Variants in PTPRC observed in about 807,000 individuals in gnomAD.
The protein encoded by PTPRC is receptor-type tyrosine-protein phosphatase C.
PTPRC carries 44 observed loss-of-function variants against 155.9 expected under a neutral mutation model. The observed-to-expected ratio is 0.28, with a 90% CI of 0.22 to 0.36. The LOEUF is 0.36. Ranked by LOEUF, PTPRC falls within the 10% of genes least tolerant of loss-of-function variation. The pLI is 1.00. For synonymous variants in PTPRC, 525 were observed against 533.1 expected (o/e 0.98, Z 0.21); for missense variants, 1,401 against 1,564.6 (o/e 0.90, Z 1.76).
At chr1:198,694,276 T>A in intron 3 of PTPRC, 1 of 726,508 alleles carries the variant, frequency 1.4e-6, no homozygotes, top group Non-Finnish European at 1.7e-6. Context: ...CTGCTTTTTC[T>A]AGCCGTGCTG....
chr1:198,735,885 G>T (rs1362053697), intron 23 of PTPRC, among the ~76,000 whole-genome samples: 1 of 151,476 alleles, frequency 6.6e-6, no homozygotes, highest in Non-Finnish European at 1.5e-5. Flanking sequence ...ATAAGAACAG[G>T]CTTTCATTTT....
At chr1:198,642,644 C>G (rs1011422544) in intron 2 of PTPRC, among the ~76,000 whole-genome samples, 2 of 151,938 alleles carry the variant, frequency 1.3e-5, no homozygotes, top group Non-Finnish European at 2.9e-5. Flanking sequence ...TTTGACACCT[C>G]CATTGCCATC....
intron 2 of PTPRC, among the ~76,000 whole-genome samples, chr1:198,658,523 G>T (rs3754096): frequency 6.6e-6 from 1 of 151,992 alleles, no homozygotes; most frequent in East Asian, 1.9e-4. Flanking sequence ...TGATTTATCA[G>T]TCTCTCCTAT....
At chr1:198,702,355 A>G (rs771794332) in intron 5 of PTPRC, 32 bp from the exon 6 acceptor site, 3 of 1,614,192 alleles carry the variant, frequency 1.9e-6, no homozygotes, top group Non-Finnish European at 2.5e-6. Flanking sequence ...GACAGACACA[A>G]GTGACAGTGC....
chr1:198,660,478 A>ATGTGTTTG (rs1553231797), intron 2 of PTPRC: 3 of 148,880 alleles, frequency 2.0e-5, no homozygotes, highest in Admixed American at 1.3e-4. Context: ...ACCCAAATAT[A>ATGTGTTTG]TGTGTGTGTG....
chr1:198,745,295 G>A (rs1655089342), intron 26 of PTPRC, among the ~76,000 whole-genome samples: 1 of 151,838 alleles, frequency 6.6e-6, no homozygotes, highest in South Asian at 2.1e-4. Context: ...ATGAGAGGAT[G>A]TGATCCAGAT....
At chr1:198,694,945 T>G in intron 3 of PTPRC, 11 of 981,170 alleles carry the variant, frequency 1.1e-5, no homozygotes, top group Non-Finnish European at 1.3e-5. Context: ...AAAAGTTTGA[T>G]GGATTTATTT....
intron 2 of PTPRC, among the ~76,000 whole-genome samples, chr1:198,658,772 C>A (rs908425886): frequency 2.0e-5 from 3 of 151,900 alleles, no homozygotes; most frequent in Non-Finnish European, 4.4e-5. Context: ...AAAATTATGA[C>A]AATTTGTGTC....
intron 30 of PTPRC, 101 bp from the exon 31 acceptor site, chr1:198,752,493 A>C (rs1571896350): frequency 1.3e-6 from 2 of 1,514,690 alleles, no homozygotes; most frequent in East Asian, 2.4e-5. Flanking sequence ...AACATTTTAA[A>C]ATTATTTAAA....
At chr1:198,657,285 T>A (rs1291047762) in intron 2 of PTPRC, among the ~76,000 whole-genome samples, 2 of 152,056 alleles carry the variant, frequency 1.3e-5, no homozygotes, top group Non-Finnish European at 2.9e-5. Context: ...ACTTTTTCTG[T>A]TATTGAATAT....
At chr1:198,732,738 G>C (rs1380272713) in intron 20 of PTPRC, among the ~76,000 whole-genome samples, 182 bp downstream of exon 20, 1 of 151,730 alleles carries the variant, frequency 6.6e-6, no homozygotes, top group Admixed American at 6.6e-5. Context: ...TTGGTATTAG[G>C]TATAACATAG....
intron 2 of PTPRC, among the ~76,000 whole-genome samples, chr1:198,680,663 A>G (rs989786860): frequency 2.0e-5 from 3 of 152,040 alleles, no homozygotes; most frequent in Non-Finnish European, 4.4e-5. Flanking sequence ...GGGATGGAGG[A>G]AGTTGTCAGT....
At chr1:198,643,650 T>C (rs191337016) in intron 2 of PTPRC, among the ~76,000 whole-genome samples, 122 of 152,088 alleles carry the variant, frequency 8.0e-4, no homozygotes, top group Admixed American at 3.9e-3. Context: ...TGAGAATGTT[T>C]TTCCTAAATT....
chr1:198,728,987 C>T (rs1404400222), intron 16 of PTPRC, 150 bp from the exon 17 acceptor site: 2 of 817,092 alleles, frequency 2.4e-6, no homozygotes, highest in Non-Finnish European at 3.7e-6. Context: ...TCCCTTCCCT[C>T]CTTTCCTCTT....
chr1:198,649,760 T>G (rs1163987806), intron 2 of PTPRC, among the ~76,000 whole-genome samples: 1 of 151,940 alleles, frequency 6.6e-6, no homozygotes, highest in East Asian at 1.9e-4. Flanking sequence ...AAAACTGTTT[T>G]AAGTGTTGAC....
intron 17 of PTPRC, among the ~76,000 whole-genome samples, chr1:198,730,045 C>T (rs1014597672): frequency 6.6e-5 from 10 of 152,056 alleles, no homozygotes; most frequent in Admixed American, 3.3e-4. Context: ...GAAGAAAACA[C>T]ATTTGTTTAT....
At chr1:198,690,776 G>A (rs1432235268) in intron 2 of PTPRC, among the ~76,000 whole-genome samples, 1 of 151,992 alleles carries the variant, frequency 6.6e-6, no homozygotes, top group East Asian at 1.9e-4. Context: ...TTAACAACCT[G>A]AGTTTACAGT....
chr1:198,686,575 T>C (rs893007948), intron 2 of PTPRC, among the ~76,000 whole-genome samples: 3 of 152,182 alleles, frequency 2.0e-5, no homozygotes, highest in African/African-American at 4.8e-5. Flanking sequence ...TTCTCTTTAT[T>C]GTCACACACC....
chr1:198,710,872 T>G (rs1485963624), intron 11 of PTPRC, among the ~76,000 whole-genome samples: 1 of 152,258 alleles, frequency 6.6e-6, no homozygotes, highest in Non-Finnish European at 1.5e-5. Context: ...GTTTTGATTT[T>G]GAGACGGAGT....
Sources: allele counts gnomAD v4.1 joint callset (sites outside exome capture counted in the v4.1 genomes callset), GRCh38; gene constraint gnomAD v4.1.1; transcripts MANE v1.5; gene names NCBI Gene and HGNC (gene_info 2026-07-23, HGNC 2026-07-21).